WDR45B: variants seen among roughly 807,000 people sequenced by gnomAD.
WDR45B encodes the protein WD repeat domain 45B, also known as WD repeat domain phosphoinositide-interacting protein 3.
Under a neutral mutation model 44.6 loss-of-function variants are expected in WDR45B, and 20 were observed. That is an observed-to-expected ratio of 0.45 (90% CI 0.32 to 0.65). The LOEUF is 0.65. Ranked by LOEUF, WDR45B falls within the 30% of genes least tolerant of loss-of-function variation. The probability of loss-of-function intolerance (pLI) is 0.05; values close to 1 mark genes in which losing one functional copy is unlikely to be tolerated. For synonymous variants in WDR45B, 169 were observed against 164.9 expected (o/e 1.02, Z -0.19); for missense variants, 323 against 430.2 (o/e 0.75, Z 2.20).
intron 7 of WDR45B, 118 bp downstream of exon 7, chr17:82,618,925 T>A: frequency 1.1e-6 from 1 of 883,216 alleles, no homozygotes; most frequent in Non-Finnish European, 1.9e-6. Context: ...AGCTTCTCCC[T>A]CCTCTGGCCT....
rs536683285 is a variant in WDR45B at position 82,639,342 on chromosome 17, T to C, written c.142+4607A>G. 6.6e-5 allele frequency among the ~76,000 whole-genome samples: 10 copies of C among 152,114 alleles called. 1 individual carries two copies. The highest frequency in any genetic ancestry group is 5.9e-4 in the Admixed American group (9 of 15,292). ...TCATTCGGGTTCTCCAATTTTCCAC[T>C]CTTGGAAACAGCGTTGCAAGTAATA... On this transcript the variant is annotated intron_variant, in intron 2 of 9. Coordinates refer to ENST00000392325, the MANE Select transcript of WDR45B (RefSeq NM_019613.4).
intron 5 of WDR45B, among the ~76,000 whole-genome samples, chr17:82,625,148 G>C (rs2045678435): frequency 6.6e-6 from 1 of 152,156 alleles, no homozygotes; most frequent in Non-Finnish European, 1.5e-5. Flanking sequence ...GGTTCTGAGA[G>C]CCCATAGTCA....
chr17:82,645,484 A>C (rs2045964446), intron 1 of WDR45B, among the ~76,000 whole-genome samples: 1 of 152,164 alleles, frequency 6.6e-6, no homozygotes, highest in Non-Finnish European at 1.5e-5. Context: ...AGAGATGTAC[A>C]CAGCCACCAA....
intron 2 of WDR45B, among the ~76,000 whole-genome samples, chr17:82,635,686 G>A (rs1023325580): frequency 6.6e-6 from 1 of 151,868 alleles, no homozygotes; most frequent in Non-Finnish European, 1.5e-5. Flanking sequence ...GCCTCCCAAA[G>A]TGCTGGGATT....
intron 3 of WDR45B, among the ~76,000 whole-genome samples, chr17:82,630,107 C>T (rs2045748424): frequency 6.6e-6 from 1 of 152,076 alleles, no homozygotes. Flanking sequence ...AGGATGCTTG[C>T]TCCACTTTTC....
chr17:82,633,985 C>G (rs1251101147), intron 2 of WDR45B, among the ~76,000 whole-genome samples: 1 of 148,098 alleles, frequency 6.8e-6, no homozygotes, highest in Non-Finnish European at 1.5e-5. Context: ...CTCGTCTCTA[C>G]TAAAAATTCA....
At chr17:82,638,779 A>C (rs1017733393) in intron 2 of WDR45B, among the ~76,000 whole-genome samples, 8 of 152,098 alleles carry the variant, frequency 5.3e-5, no homozygotes, top group Non-Finnish European at 8.8e-5. Flanking sequence ...ATTTCTATAA[A>C]ACAACACAGA....
intron 6 of WDR45B, 116 bp from the exon 7 acceptor site, chr17:82,619,244 C>G (rs898967545): frequency 3.2e-6 from 3 of 942,110 alleles, no homozygotes; most frequent in Admixed American, 4.0e-5. Context: ...CAAACTCACC[C>G]ACATCATCTA....
At chr17:82,618,901 C>G in intron 7 of WDR45B, 142 bp downstream of exon 7, 1 of 733,816 alleles carries the variant, frequency 1.4e-6, no homozygotes, top group Non-Finnish European at 2.5e-6. Flanking sequence ...GAAACCCAAC[C>G]CCCTAGCAGC....
intron 1 of WDR45B, among the ~76,000 whole-genome samples, chr17:82,647,376 G>A (rs1333713611): frequency 6.6e-6 from 1 of 152,208 alleles, no homozygotes; most frequent in Non-Finnish European, 1.5e-5. Flanking sequence ...CTCCCCATCA[G>A]GACCTTTGGG....
chr17:82,619,975 G>A (rs944539672), intron 6 of WDR45B, among the ~76,000 whole-genome samples: 5 of 152,230 alleles, frequency 3.3e-5, no homozygotes, highest in Non-Finnish European at 7.3e-5. Context: ...ATCCACATTT[G>A]TAACGGGGAT....
chr17:82,616,788 G>A (rs934813846), intron 8 of WDR45B, 143 bp from the exon 9 acceptor site: 1 of 1,071,542 alleles, frequency 9.3e-7, no homozygotes, highest in Non-Finnish European at 1.4e-6. Flanking sequence ...TGCCATGCAT[G>A]ACAAAGCCTG....
intron 2 of WDR45B, among the ~76,000 whole-genome samples, chr17:82,631,278 T>C (rs533211328): frequency 6.6e-5 from 3 of 45,230 alleles, no homozygotes; most frequent in Non-Finnish European, 1.1e-4. Context: ...ACAGGACTCA[T>C]TTTTTTTTTT....
Position 82,617,461 on chromosome 17 carries a change from C to T in WDR45B, c.705-64G>A, listed in dbSNP as rs561775545. On this transcript the variant is annotated intron_variant, in intron 7 of 9. Coordinates refer to ENST00000392325, the MANE Select transcript of WDR45B (RefSeq NM_019613.4). The stretch of plus-strand genomic sequence containing the variant: ...TGTGGAGGAGTCCAGAGACTTAACC[C>T]ACAGCACTTGTCGACACTGTGGAAC... 1.4e-5 allele frequency: 22 copies of T among 1,522,730 alleles called. No homozygotes were observed. In the African/African-American group the frequency reaches 2.2e-4, roughly 15 times the overall value. The allele number at this position is 1,522,730 out of a possible 1,614,324, so 94.3% of individuals were successfully genotyped here.
chr17:82,618,307 C>A (rs529592316), intron 7 of WDR45B, among the ~76,000 whole-genome samples: 1 of 152,230 alleles, frequency 6.6e-6, no homozygotes, highest in Non-Finnish European at 1.5e-5. Context: ...GCCTCCTGGC[C>A]GTGGCCACAG....
intron 2 of WDR45B, 97 bp from the exon 3 acceptor site, chr17:82,631,119 T>C: frequency 8.2e-7 from 1 of 1,217,890 alleles, no homozygotes; most frequent in Non-Finnish European, 1.2e-6. Flanking sequence ...AACGCAGCAA[T>C]TTTCTATTTT....
intron 7 of WDR45B, among the ~76,000 whole-genome samples, chr17:82,618,367 C>T (rs1257901290): frequency 2.0e-5 from 3 of 152,234 alleles, no homozygotes; most frequent in African/African-American, 7.2e-5. Context: ...ACCCGGGGGG[C>T]TGTAGGGACA....
At chr17:82,618,999 G>A (rs1279368194) in intron 7 of WDR45B, 44 bp downstream of exon 7, 2 of 1,592,506 alleles carry the variant, frequency 1.3e-6, no homozygotes, top group Non-Finnish European at 1.7e-6. Context: ...CTTCCGTGCT[G>A]TCAGCCCGAA....
chr17:82,640,481 G>A (rs2143367368), intron 2 of WDR45B, among the ~76,000 whole-genome samples: 1 of 151,834 alleles, frequency 6.6e-6, no homozygotes, highest in East Asian at 1.9e-4. Context: ...CTCCCGAGTA[G>A]CTGGGATTAA....
Sources: allele counts gnomAD v4.1 joint callset (sites outside exome capture counted in the v4.1 genomes callset), GRCh38; gene constraint gnomAD v4.1.1; transcripts MANE v1.5; gene names NCBI Gene and HGNC (gene_info 2026-07-23, HGNC 2026-07-21).